The following OLFM3 variants were observed in gnomAD, a reference collection of about 807,000 sequenced individuals.
OLFM3 encodes the protein olfactomedin 3.
In OLFM3, 20 loss-of-function variants were observed where a neutral mutation model predicts 48.6. The ratio of observed to expected loss-of-function variants is 0.41; its 90% CI spans 0.29 to 0.60. The LOEUF (loss-of-function observed/expected upper bound fraction) is 0.60. OLFM3 is among the 20% of genes least tolerant of loss of function. OLFM3 has a pLI of 0.28. For synonymous variants in OLFM3, 222 were observed against 198.1 expected (o/e 1.12, Z -1.01); for missense variants, 437 against 544.3 (o/e 0.80, Z 1.96).
chr1:101,862,838 G>C (rs944871984), intron 1 of OLFM3, among the ~76,000 whole-genome samples: 1 of 152,140 alleles, frequency 6.6e-6, no homozygotes, highest in Non-Finnish European at 1.5e-5. Context: ...ATTCCCAAAT[G>C]ATCAGAAGTA....
chr1:101,928,742 A>G (rs1280281724), intron 1 of OLFM3, among the ~76,000 whole-genome samples: 1 of 152,168 alleles, frequency 6.6e-6, no homozygotes, highest in Non-Finnish European at 1.5e-5. Flanking sequence ...TTGGCACTAC[A>G]TACACTTTCT....
chr1:101,987,245 T>G (rs1002413743), intron 1 of OLFM3, among the ~76,000 whole-genome samples: 1 of 152,196 alleles, frequency 6.6e-6, no homozygotes, highest in Non-Finnish European at 1.5e-5. Context: ...GTCATTATAT[T>G]ACAATAGCTA....
At chr1:101,912,257 G>A (rs1400590183) in intron 1 of OLFM3, among the ~76,000 whole-genome samples, 5 of 152,124 alleles carry the variant, frequency 3.3e-5, no homozygotes, top group Admixed American at 6.5e-5. Context: ...TTGAATTCAC[G>A]TATGTGCAAA....
chr1:101,969,863 A>C (rs978417812), intron 1 of OLFM3, among the ~76,000 whole-genome samples: 6 of 152,130 alleles, frequency 3.9e-5, no homozygotes, highest in African/African-American at 9.7e-5. Context: ...GGGTAAAGGA[A>C]GAGGTATTTC....
At chr1:101,820,995 T>C (rs890946223) in intron 4 of OLFM3, among the ~76,000 whole-genome samples, 1 of 152,046 alleles carries the variant, frequency 6.6e-6, no homozygotes, top group Non-Finnish European at 1.5e-5. Context: ...AATGTCCCAC[T>C]CTAGATCTGA....
At chr1:101,950,328 T>A (rs961335398) in intron 1 of OLFM3, among the ~76,000 whole-genome samples, 1 of 152,322 alleles carries the variant, frequency 6.6e-6, no homozygotes, top group Non-Finnish European at 1.5e-5. Flanking sequence ...AACCATGACT[T>A]TAGAGTATAA....
chr1:101,868,967 G>A (rs564648261), intron 1 of OLFM3, among the ~76,000 whole-genome samples: 20 of 152,346 alleles, frequency 1.3e-4, no homozygotes, highest in African/African-American at 4.8e-4. Context: ...ACCCCTACCT[G>A]GATTTCAGAG....
intron 4 of OLFM3, among the ~76,000 whole-genome samples, chr1:101,814,405 A>G (rs1654229524): frequency 6.6e-6 from 1 of 152,182 alleles, no homozygotes. Context: ...AAATAAACAA[A>G]CAAACTAAAC....
chr1:101,966,349 G>GTGTA (rs1660608730), intron 1 of OLFM3, among the ~76,000 whole-genome samples: 1 of 98,048 alleles, frequency 1.0e-5, no homozygotes, highest in Non-Finnish European at 2.3e-5. Context: ...GTGTGTGTGT[G>GTGTA]TGCGCTACAG....
intron 1 of OLFM3, among the ~76,000 whole-genome samples, chr1:101,994,155 C>G (rs1299822958): frequency 6.6e-6 from 1 of 151,248 alleles, no homozygotes; most frequent in East Asian, 1.9e-4. Flanking sequence ...ATTTTAAGAG[C>G]TTTCCCATTT....
At chr1:101,874,478 G>T (rs1321610016) in intron 1 of OLFM3, among the ~76,000 whole-genome samples, 1 of 145,526 alleles carries the variant, frequency 6.9e-6, no homozygotes, top group East Asian at 2.0e-4. Context: ...AGTATAATAA[G>T]AATTCTAATA....
intron 1 of OLFM3, among the ~76,000 whole-genome samples, chr1:101,862,613 C>T (rs1656700861): frequency 6.6e-6 from 1 of 152,180 alleles, no homozygotes; most frequent in Non-Finnish European, 1.5e-5. Context: ...ATACCCCATG[C>T]TTTCAAGAGG....
At chr1:101,986,863 G>A (rs1291726589) in intron 1 of OLFM3, among the ~76,000 whole-genome samples, 1 of 152,156 alleles carries the variant, frequency 6.6e-6, no homozygotes, top group African/African-American at 2.4e-5. Flanking sequence ...ATCATTCTCT[G>A]TGTAGGGGTT....
At chr1:101,824,579 G>T (rs1251509062) in intron 4 of OLFM3, among the ~76,000 whole-genome samples, 1 of 152,002 alleles carries the variant, frequency 6.6e-6, no homozygotes, top group Non-Finnish European at 1.5e-5. Context: ...TTTAATAATT[G>T]CTGTTTGACA....
intron 1 of OLFM3, among the ~76,000 whole-genome samples, chr1:101,897,068 T>C (rs1407346449): frequency 6.6e-6 from 1 of 152,156 alleles, no homozygotes; most frequent in Non-Finnish European, 1.5e-5. Context: ...CCATAAGTGC[T>C]AATGTGGAAA....
intron 1 of OLFM3, among the ~76,000 whole-genome samples, chr1:101,969,306 G>A (rs1452898190): frequency 1.4e-4 from 18 of 132,018 alleles, no homozygotes; most frequent in Admixed American, 1.3e-3. Context: ...GCAACACCAC[G>A]CCTGGCTATT....
Position 101,915,148 on chromosome 1 carries a change from A to G in OLFM3, c.70-78123T>C, listed in dbSNP as rs371551856. Among the ~76,000 whole-genome samples, 88 of 152,302 alleles carry G rather than the reference A, an allele frequency of 5.8e-4. 1 individual carries two copies. Among genetic ancestry groups the G allele is most frequent in the African/African-American group, 2.0e-3 (85 of 41,570 alleles). On this transcript the variant is annotated intron_variant, in intron 1 of 5. Transcript: ENST00000370103. ...ACGCAATACAACATTGCAGAAAAAG[A>G]AAGTCAATTTGATTTTTAAGCTGCA... is the stretch of plus-strand genomic sequence containing the variant.
intron 2 of OLFM3, 111 bp downstream of exon 2, chr1:101,836,768 G>T: frequency 9.0e-7 from 1 of 1,113,752 alleles, no homozygotes; most frequent in Non-Finnish European, 1.3e-6. Flanking sequence ...ATCTGAGAAG[G>T]GGGACAAAAA....
intron 1 of OLFM3, among the ~76,000 whole-genome samples, chr1:101,942,301 G>C (rs6677151): frequency 0.054 from 8,271 of 152,232 alleles, 282 homozygotes; most frequent in South Asian, 0.14. Flanking sequence ...AAAAATCTAG[G>C]CTGAAAGTGG....
Sources: gnomAD v4.1 joint callset for allele counts (sites outside exome capture counted in the v4.1 genomes callset) on GRCh38, gnomAD v4.1.1 for gene constraint, MANE v1.5 for transcripts, NCBI Gene and HGNC (gene_info 2026-07-23, HGNC 2026-07-21) for gene names.